The following DENND1A variants were observed in gnomAD, a reference collection of about 807,000 sequenced individuals.
The protein encoded by DENND1A is DENN domain containing 1A.
Under a neutral mutation model 113.7 loss-of-function variants are expected in DENND1A, and 51 were observed. That is an observed-to-expected ratio of 0.45 (90% CI 0.36 to 0.57). The LOEUF is 0.57. DENND1A is among the 20% of genes least tolerant of loss of function. The pLI is 0.00. For missense variants in DENND1A, 1,258 were observed against 1,395.9 expected (o/e 0.90, Z 1.57); for synonymous variants, 565 against 570.8 (o/e 0.99, Z 0.14).
At chr9:123,474,653 T>C (rs926073824) in intron 13 of DENND1A, among the ~76,000 whole-genome samples, 9 of 152,200 alleles carry the variant, frequency 5.9e-5, no homozygotes, top group Admixed American at 5.2e-4. Context: ...GCTGTTAAGC[T>C]TAATAGCAGT....
At chr9:123,485,657 C>CGT (rs781624286) in intron 13 of DENND1A, 1 of 5,948 alleles carries the variant, frequency 1.7e-4, no homozygotes, top group African/African-American at 2.1e-4. Context: ...CGCGCGCGCG[C>CGT]ACACACACAC....
intron 13 of DENND1A, among the ~76,000 whole-genome samples, chr9:123,545,052 C>G (rs537114177): frequency 6.6e-6 from 1 of 151,626 alleles, no homozygotes; most frequent in Non-Finnish European, 1.5e-5. Flanking sequence ...GAGCTGAGAT[C>G]GCGCCACTGT....
chr9:123,902,019 T>C (rs370995001), intron 1 of DENND1A, among the ~76,000 whole-genome samples: 1 of 151,546 alleles, frequency 6.6e-6, no homozygotes, highest in East Asian at 1.9e-4. Context: ...AATAAATAAA[T>C]AAATAAAAAT....
At chr9:123,641,041 G>A (rs996844543) in intron 9 of DENND1A, among the ~76,000 whole-genome samples, 6 of 152,202 alleles carry the variant, frequency 3.9e-5, no homozygotes, top group Admixed American at 1.3e-4. Flanking sequence ...AATGTGCTCC[G>A]TGTCTGCACT....
intron 12 of DENND1A, among the ~76,000 whole-genome samples, chr9:123,578,812 C>T (rs1057429723): frequency 1.3e-5 from 2 of 151,724 alleles, no homozygotes; most frequent in East Asian, 1.9e-4. Flanking sequence ...GTCAAATCTA[C>T]GTGAAGGTCA....
chr9:123,458,947 G>A (rs1002761802), intron 13 of DENND1A, among the ~76,000 whole-genome samples: 3 of 151,846 alleles, frequency 2.0e-5, no homozygotes, highest in African/African-American at 7.3e-5. Flanking sequence ...GGCAATAAGA[G>A]CAAAACTCCG....
chr9:123,459,035 T>C (rs2048346836), intron 13 of DENND1A, among the ~76,000 whole-genome samples: 1 of 151,904 alleles, frequency 6.6e-6, no homozygotes, highest in East Asian at 1.9e-4. Context: ...GCCAAGTGTG[T>C]TGGCAGGTGC....
chr9:123,674,339 C>G lies in DENND1A; in HGVS notation c.372+2381G>C, dbSNP rs1421611171. ...TCTCTCTGTCTCTGTCTCTGTCTCT[C>G]TCTCACACACACACACACACACACA... On this transcript the variant is annotated intron_variant, in intron 6 of 23. Coordinates refer to ENST00000394215, the MANE Select transcript of DENND1A (RefSeq NM_001352964.2). Among the ~76,000 whole-genome samples the G allele has an allele frequency of 9.6e-5, 12 of 125,120 alleles. No homozygotes were observed. In the East Asian group the frequency reaches 2.1e-3, roughly 22 times the overall value. 82.1% of individuals were successfully genotyped at this position (125,120 alleles called of 152,430 possible).
At chr9:123,602,596 C>T (rs560044040) in intron 11 of DENND1A, among the ~76,000 whole-genome samples, 1 of 152,238 alleles carries the variant, frequency 6.6e-6, no homozygotes, top group Non-Finnish European at 1.5e-5. Context: ...AAGTCTCCTC[C>T]AACCCTTTCC....
chr9:123,800,033 A>T (rs1564293691), intron 2 of DENND1A, among the ~76,000 whole-genome samples: 2 of 152,178 alleles, frequency 1.3e-5, no homozygotes, highest in South Asian at 4.1e-4. Context: ...CCCAATTAAA[A>T]TTTTCCCATT....
At chr9:123,709,562 A>C (rs1488348158) in intron 5 of DENND1A, among the ~76,000 whole-genome samples, 1 of 151,938 alleles carries the variant, frequency 6.6e-6, no homozygotes, top group Non-Finnish European at 1.5e-5. Context: ...TGTCCCTTTA[A>C]GTTTTCCGTA....
intron 9 of DENND1A, among the ~76,000 whole-genome samples, chr9:123,633,743 T>C (rs565447174): frequency 6.6e-6 from 1 of 151,990 alleles, no homozygotes; most frequent in Non-Finnish European, 1.5e-5. Flanking sequence ...ACCACTACAC[T>C]CCAGCCTAGG....
At chr9:123,648,389 GT>G (rs1407145245) in intron 9 of DENND1A, among the ~76,000 whole-genome samples, 3 of 152,188 alleles carry the variant, frequency 2.0e-5, no homozygotes, top group Non-Finnish European at 4.4e-5. Flanking sequence ...AATCACTGTA[GT>G]TTTAATGTGC....
At chr9:123,917,719 C>T (rs986347019) in intron 1 of DENND1A, among the ~76,000 whole-genome samples, 1 of 152,034 alleles carries the variant, frequency 6.6e-6, no homozygotes, top group Non-Finnish European at 1.5e-5. Flanking sequence ...CAAAAGGAAC[C>T]AGGACTCCTT....
chr9:123,721,883 A>G (rs1316066843), intron 5 of DENND1A, among the ~76,000 whole-genome samples: 1 of 152,152 alleles, frequency 6.6e-6, no homozygotes, highest in Non-Finnish European at 1.5e-5. Context: ...TAATACAGTA[A>G]ATTGGTACCA....
intron 5 of DENND1A, among the ~76,000 whole-genome samples, chr9:123,714,596 C>G (rs1205330019): frequency 6.6e-6 from 1 of 151,904 alleles, no homozygotes; most frequent in African/African-American, 2.4e-5. Flanking sequence ...GGTGAGACTT[C>G]ATCTCAAAAT....
chr9:123,700,934 A>T (rs1404400947), intron 5 of DENND1A, among the ~76,000 whole-genome samples: 2 of 152,218 alleles, frequency 1.3e-5, no homozygotes, highest in Non-Finnish European at 1.5e-5. Context: ...TGTTCAATGT[A>T]TCCCTTGGTA....
intron 21 of DENND1A, among the ~76,000 whole-genome samples, chr9:123,388,145 C>T (rs2042662882): frequency 6.6e-6 from 1 of 152,238 alleles, no homozygotes; most frequent in Non-Finnish European, 1.5e-5. Flanking sequence ...GGAAGATTGT[C>T]ATCACTGCTG....
intron 5 of DENND1A, among the ~76,000 whole-genome samples, chr9:123,710,869 C>T (rs1000591752): frequency 6.6e-6 from 1 of 152,006 alleles, no homozygotes; most frequent in East Asian, 1.9e-4. Context: ...GACAGGGTTT[C>T]ACCATGTTGG....
Sources: gnomAD v4.1 joint callset for allele counts (sites outside exome capture counted in the v4.1 genomes callset) on GRCh38, gnomAD v4.1.1 for gene constraint, MANE v1.5 for transcripts, NCBI Gene and HGNC (gene_info 2026-07-23, HGNC 2026-07-21) for gene names.